The following ANKS1B variants were observed in gnomAD, a reference collection of about 807,000 sequenced individuals.
ANKS1B encodes the protein ankyrin repeat and sterile alpha motif domain-containing protein 1B.
In ANKS1B, 36 loss-of-function variants were observed where a neutral mutation model predicts 148.3. The ratio of observed to expected loss-of-function variants is 0.24; its 90% CI spans 0.19 to 0.32. The LOEUF is 0.32. Ranked by LOEUF, ANKS1B falls within the 10% of genes least tolerant of loss-of-function variation. The pLI, the probability that ANKS1B is intolerant of heterozygous loss-of-function variation, is 1.00. For synonymous variants in ANKS1B, 542 were observed against 560.8 expected (o/e 0.97, Z 0.47); for missense variants, 1,157 against 1,542.6 (o/e 0.75, Z 4.19).
At chr12:99,375,061 A>G (rs2093334976) in intron 12 of ANKS1B, among the ~76,000 whole-genome samples, 1 of 152,236 alleles carries the variant, frequency 6.6e-6, no homozygotes, top group Admixed American at 6.5e-5. Flanking sequence ...AGTTTGGATC[A>G]CCTTATCTTA....
chr12:99,187,243 A>G (rs1276054892), intron 14 of ANKS1B, among the ~76,000 whole-genome samples: 1 of 151,982 alleles, frequency 6.6e-6, no homozygotes, highest in Non-Finnish European at 1.5e-5. Context: ...GGGAGAGTGG[A>G]ACCAAGCTGG....
intron 12 of ANKS1B, among the ~76,000 whole-genome samples, chr12:99,322,219 C>T (rs1048709533): frequency 6.6e-6 from 1 of 152,080 alleles, no homozygotes; most frequent in East Asian, 1.9e-4. Flanking sequence ...ATGGATGAAG[C>T]TGGAAGCCAT....
intron 17 of ANKS1B, among the ~76,000 whole-genome samples, chr12:98,927,315 C>T (rs2099809561): frequency 1.3e-5 from 2 of 152,080 alleles, no homozygotes; most frequent in Admixed American, 1.3e-4. Flanking sequence ...AATCTTATCA[C>T]TAGCAGATCT....
intron 24 of ANKS1B, among the ~76,000 whole-genome samples, chr12:98,779,286 G>A (rs1051686913): frequency 6.6e-6 from 1 of 152,152 alleles, no homozygotes; most frequent in Non-Finnish European, 1.5e-5. Flanking sequence ...CAACTTCTGT[G>A]TCTCTTGCCG....
rs143335788 is a variant in ANKS1B, at chr12:99,218,032, C to T, written c.2419+26310G>A. On this transcript the variant is annotated intron_variant, in intron 14 of 26. Transcript: ENST00000683438. ...GGGCTCATGAAAAAGAAGACATTCT[C>T]TTTGTGAGAATGTCCTACCATGGGT... is the stretch of plus-strand genomic sequence containing the variant. Among the ~76,000 whole-genome samples, 4 of 152,232 alleles carry T rather than the reference C, an allele frequency of 2.6e-5. No homozygotes were observed. The East Asian group carries it at 7.7e-4, about 29-fold the overall frequency.
chr12:99,685,593 A>G (rs990386530), intron 8 of ANKS1B, among the ~76,000 whole-genome samples: 40 of 152,106 alleles, frequency 2.6e-4, no homozygotes, highest in African/African-American at 2.4e-5. Context: ...CTACCCCGTG[A>G]AAAAGAAGTC....
chr12:99,746,587 A>C (rs1474430206), intron 8 of ANKS1B, among the ~76,000 whole-genome samples: 2 of 152,120 alleles, frequency 1.3e-5, no homozygotes, highest in Non-Finnish European at 2.9e-5. Context: ...TATTAACAAA[A>C]GTATATCAGT....
At chr12:99,046,742 T>C (rs1388018092) in intron 17 of ANKS1B, among the ~76,000 whole-genome samples, 1 of 146,408 alleles carries the variant, frequency 6.8e-6, no homozygotes, top group East Asian at 2.0e-4. Context: ...GAGCTTGCAG[T>C]GAGCAGAGAT....
At chr12:99,263,840 C>T (rs187511095) in intron 12 of ANKS1B, among the ~76,000 whole-genome samples, 122 of 152,252 alleles carry the variant, frequency 8.0e-4, no homozygotes, top group Admixed American at 2.6e-3. Flanking sequence ...TCACGTGAAA[C>T]GTGAGTCAAC....
At position 99,146,554 on chromosome 12, in the gene ANKS1B, C is replaced by G. The variant is rs937457203; in HGVS notation, c.2526+7735G>C. 2.6e-5 allele frequency among the ~76,000 whole-genome samples: 4 copies of G among 152,160 alleles called. No homozygotes were observed. In the East Asian group the frequency reaches 7.7e-4, roughly 29 times the overall value. ...TGCAATTCCTTGCTGAAAATATACT[C>G]TAGTCGGCTTGGTTAAAGCAAAAAC... On this transcript the variant is annotated intron_variant, in intron 15 of 26. Coordinates refer to ENST00000683438, the MANE Select transcript of ANKS1B (RefSeq NM_001352186.2).
intron 9 of ANKS1B, among the ~76,000 whole-genome samples, chr12:99,556,562 G>A (rs141671907): frequency 6.6e-6 from 1 of 151,972 alleles, no homozygotes; most frequent in African/African-American, 2.4e-5. Context: ...TCTTTCTAAC[G>A]TTTTGATGTG....
At chr12:98,865,230 T>A (rs2099618594) in intron 17 of ANKS1B, among the ~76,000 whole-genome samples, 1 of 152,170 alleles carries the variant, frequency 6.6e-6, no homozygotes, top group Non-Finnish European at 1.5e-5. Flanking sequence ...AGACTCTCGA[T>A]CTTATTGCCT....
chr12:98,740,993 G>A (rs2097795782), downstream of ANKS1B, among the ~76,000 whole-genome samples: 1 of 152,182 alleles, frequency 6.6e-6, no homozygotes, highest in Admixed American at 6.5e-5. Flanking sequence ...TGGCAGAGTA[G>A]AAATATAGAA....
intron 9 of ANKS1B, among the ~76,000 whole-genome samples, chr12:99,510,032 T>C (rs2096748667): frequency 6.6e-6 from 1 of 151,974 alleles, no homozygotes; most frequent in South Asian, 2.1e-4. Context: ...GTTGGCAGCA[T>C]GTCTGTTTAC....
intron 8 of ANKS1B, among the ~76,000 whole-genome samples, chr12:99,702,654 C>A (rs1016970884): frequency 1.1e-4 from 16 of 151,908 alleles, no homozygotes; most frequent in Non-Finnish European, 1.8e-4. Context: ...GCAATCCTCC[C>A]ACTTCAGCCT....
chr12:99,954,749 G>A (rs892004221), intron 1 of ANKS1B, among the ~76,000 whole-genome samples: 6 of 152,066 alleles, frequency 3.9e-5, no homozygotes, highest in African/African-American at 1.2e-4. Flanking sequence ...CATCCAGTGT[G>A]TACAGGCCAG....
chr12:98,818,394 C>T (rs1229065059), intron 19 of ANKS1B, among the ~76,000 whole-genome samples: 3 of 152,122 alleles, frequency 2.0e-5, no homozygotes, highest in Non-Finnish European at 2.9e-5. Flanking sequence ...AATGGCATTA[C>T]ACAATTGTTT....
At chr12:98,879,407 A>G (rs1437853625) in intron 17 of ANKS1B, among the ~76,000 whole-genome samples, 1 of 152,250 alleles carries the variant, frequency 6.6e-6, no homozygotes, top group African/African-American at 2.4e-5. Flanking sequence ...CTAATAAGTC[A>G]TAGAGTGAGG....
intron 4 of ANKS1B, among the ~76,000 whole-genome samples, chr12:99,794,100 G>A (rs1049070501): frequency 3.3e-5 from 5 of 152,046 alleles, no homozygotes; most frequent in Admixed American, 1.3e-4. Context: ...TCGGAGAAAT[G>A]CAAATCAAAA....
Sources: gnomAD v4.1 joint callset for allele counts (sites outside exome capture counted in the v4.1 genomes callset) on GRCh38, gnomAD v4.1.1 for gene constraint, MANE v1.5 for transcripts, NCBI Gene and HGNC (gene_info 2026-07-23, HGNC 2026-07-21) for gene names.